The following CAPRIN1 variants were observed in gnomAD, a reference collection of about 807,000 sequenced individuals.
CAPRIN1 encodes cell cycle associated protein 1, also known as caprin-1.
CAPRIN1 carries 29 observed loss-of-function variants against 100.9 expected under a neutral mutation model. The observed-to-expected ratio is 0.29, with a 90% CI of 0.21 to 0.39. CAPRIN1 has a LOEUF of 0.39. Among genes scored for constraint, CAPRIN1 ranks in the 10% least tolerant of loss-of-function variants. CAPRIN1 has a pLI of 1.00. For missense variants in CAPRIN1, 795 were observed against 876.7 expected (o/e 0.91, Z 1.18); for synonymous variants, 338 against 307.5 (o/e 1.10, Z -1.04).
intron 11 of CAPRIN1, among the ~76,000 whole-genome samples, chr11:34,088,238 C>T (rs554637281): frequency 6.6e-6 from 1 of 152,098 alleles, no homozygotes; most frequent in African/African-American, 2.4e-5. Flanking sequence ...CTCTTGACCT[C>T]GTGATCCACC....
chr11:34,085,564 G>A (rs905029819), intron 9 of CAPRIN1, among the ~76,000 whole-genome samples: 2 of 152,212 alleles, frequency 1.3e-5, no homozygotes, highest in African/African-American at 4.8e-5. Flanking sequence ...CAGCACTTGG[G>A]ATGCCAAGGC....
chr11:34,071,590 C>G, intron 2 of CAPRIN1, 136 bp from the exon 3 acceptor site: 1 of 632,378 alleles, frequency 1.6e-6, no homozygotes, highest in Non-Finnish European at 2.7e-6. Context: ...TGTACTTAAA[C>G]TGGAATATAT....
chr11:34,086,988 G>A (rs1851158605), intron 11 of CAPRIN1, among the ~76,000 whole-genome samples: 1 of 152,140 alleles, frequency 6.6e-6, no homozygotes, highest in Admixed American at 6.5e-5. Context: ...AAGGGAATAT[G>A]TAAGAGGCAA....
chr11:34,052,556 A>ACCGGCG lies in CAPRIN1; in HGVS notation c.138_143dup (p.Gly47_Ala48dup). On this transcript the variant is annotated inframe_insertion, in exon 2 of 19. Transcript: ENST00000341394. ...GGCTTCTCAGCACCCCGCAACCGGC[A>ACCGGCG]CCGGCGCTGTCCAGACCGAGGCCAT... is the stretch of plus-strand genomic sequence containing the variant. 1 of 1,609,532 alleles carries ACCGGCG rather than the reference A, an allele frequency of 6.2e-7. No individual in the cohort carries two copies. Among genetic ancestry groups the ACCGGCG allele is most frequent in the South Asian group, 1.1e-5 (1 of 90,698 alleles).
At chr11:34,093,266 T>C (rs1851298826) in intron 15 of CAPRIN1, among the ~76,000 whole-genome samples, 1 of 151,790 alleles carries the variant, frequency 6.6e-6, no homozygotes, top group Non-Finnish European at 1.5e-5. Flanking sequence ...TGTAATCAGA[T>C]ACTGGAGCCT....
rs142562635 is a variant in CAPRIN1, at chr11:34,065,121, G to A, written c.217-6605G>A. On this transcript the variant is annotated intron_variant, in intron 2 of 18. Coordinates refer to ENST00000341394, the MANE Select transcript of CAPRIN1 (RefSeq NM_005898.5). ...ACTACAGGTCCCCGCCACCACGCCC[G>A]ACTAATTTTTTTTTGTATTTTTAGT... Among the ~76,000 whole-genome samples, 319 of 151,702 alleles carry A rather than the reference G, an allele frequency of 2.1e-3. 4 individuals are homozygous for A. The highest frequency in any genetic ancestry group is 7.5e-3 in the African/African-American group (311 of 41,386).
In CAPRIN1 at chr11:34,082,891, T is replaced by G. The variant is rs1404996210; in HGVS notation, c.879+14T>G. 1.2e-6 allele frequency: 2 copies of G among 1,613,794 alleles called. No individual in the cohort carries two copies. Among genetic ancestry groups the G allele is most frequent in the Non-Finnish European group, 1.7e-6 (2 of 1,179,692 alleles). ...GAATCAACAGAGGTATGATTTTAAT[T>G]TAATGCTGCCTTTACTTTGCTGCCT... On this transcript the variant is annotated intron_variant, in intron 8 of 18. Coordinates refer to ENST00000341394, the MANE Select transcript of CAPRIN1 (RefSeq NM_005898.5).
chr11:34,100,688 G>A lies in CAPRIN1; in HGVS notation c.*1321G>A, dbSNP rs931511848. 1.3e-5 allele frequency: 2 copies of A among 152,516 alleles called. No homozygotes were observed. Among genetic ancestry groups the A allele is most frequent in the South Asian group, 2.1e-4 (1 of 4,830 alleles). 9.4% of individuals were successfully genotyped at this position (152,516 alleles called of 1,614,324 possible). On this transcript the variant is annotated 3_prime_UTR_variant, in exon 19 of 19. Coordinates refer to ENST00000341394, the MANE Select transcript of CAPRIN1 (RefSeq NM_005898.5). Reference sequence around the variant, plus strand: ...TTTCTCCTGGAGGCATTTATATTCAGTGATAATTCCTTCCCTTAGATGCAT... The same window carrying A: ...TTTCTCCTGGAGGCATTTATATTCAATGATAATTCCTTCCCTTAGATGCAT...
chr11:34,067,591 G>A (rs1297730986), intron 2 of CAPRIN1, among the ~76,000 whole-genome samples: 2 of 151,832 alleles, frequency 1.3e-5, no homozygotes, highest in Non-Finnish European at 2.9e-5. Flanking sequence ...TTGTGGTCTC[G>A]TGATCATCCT....
In CAPRIN1 at chr11:34,065,868, G is replaced by A. The variant is rs147174656; in HGVS notation, c.217-5858G>A. On this transcript the variant is annotated intron_variant, in intron 2 of 18. Coordinates refer to ENST00000341394, the MANE Select transcript of CAPRIN1 (RefSeq NM_005898.5). Reference sequence around the variant, plus strand: ...CTTTCCTGAAGCTTAGGCAAGGACAGGGGATAGGATATTTATAATAGTAGT... The same window carrying A: ...CTTTCCTGAAGCTTAGGCAAGGACAAGGGATAGGATATTTATAATAGTAGT... 3.6e-3 allele frequency among the ~76,000 whole-genome samples: 550 copies of A among 151,896 alleles called. 4 individuals are homozygous for A. Among genetic ancestry groups the A allele is most frequent in the African/African-American group, 0.012 (517 of 41,552 alleles).
chr11:34,092,189 A>G, intron 15 of CAPRIN1, 133 bp downstream of exon 15: 1 of 794,050 alleles, frequency 1.3e-6, no homozygotes, highest in African/African-American at 1.8e-5. Flanking sequence ...TGAATTTTTC[A>G]TTTCAGATCA....
At position 34,086,185 on chromosome 11, in the gene CAPRIN1, T is replaced by C. The variant is rs750864973; in HGVS notation, c.1088T>C (p.Met363Thr). The change falls in exon 10 of 19, where the codon ATG (methionine) becomes ACG (threonine). Residue 363 changes from methionine to threonine, a missense_variant. Physicochemically the swap from Met to Thr is moderately conservative, Grantham distance 81. Coordinates refer to ENST00000341394, the MANE Select transcript of CAPRIN1 (RefSeq NM_005898.5). ...AGAAGACAGCGAGTACAAGACCTTA[T>C]GGCACAAATGCAGGGTCCCTATAAT... The part of the protein sequence containing the change: ...LVRRQRVQDL[M>T]AQMQGPYNFI... 2.5e-6 allele frequency: 4 copies of C among 1,614,092 alleles called. No homozygotes were observed. Among genetic ancestry groups the C allele is most frequent in the East Asian group, 2.2e-5 (1 of 44,900 alleles).
At chr11:34,079,096 A>T (rs1360081786) in intron 6 of CAPRIN1, among the ~76,000 whole-genome samples, 1 of 152,208 alleles carries the variant, frequency 6.6e-6, no homozygotes, top group Non-Finnish European at 1.5e-5. Context: ...TTTCCACCTA[A>T]CTAGTTTACT....
intron 16 of CAPRIN1, 75 bp from the exon 17 acceptor site, chr11:34,097,121 C>T (rs1387567421): frequency 1.2e-5 from 12 of 984,216 alleles, no homozygotes; most frequent in Admixed American, 5.5e-5. Flanking sequence ...TAGTTCTTCC[C>T]GTCTTCATTA....
chr11:34,097,679 T>C lies in CAPRIN1; in HGVS notation c.2002-19T>C. ...TTTTTAAAAAGTACCTTTTCAATAC[T>C]AACTAGCTTGTCTTTTAGGATGGAT... On this transcript the variant is annotated intron_variant, in intron 17 of 18. Transcript: ENST00000341394. 1 of 1,614,032 alleles carries C rather than the reference T, an allele frequency of 6.2e-7. No individual in the cohort carries two copies. The highest frequency in any genetic ancestry group is 1.3e-5 in the African/African-American group (1 of 75,060).
At chr11:34,072,465 T>C (rs558936866) in intron 4 of CAPRIN1, among the ~76,000 whole-genome samples, 40 of 152,206 alleles carry the variant, frequency 2.6e-4, no homozygotes, top group Non-Finnish European at 5.3e-4. Flanking sequence ...TCATTAGAAA[T>C]ACATAAATGT....
chr11:34,068,509 A>G (rs1047212784), intron 2 of CAPRIN1, among the ~76,000 whole-genome samples: 4 of 152,176 alleles, frequency 2.6e-5, no homozygotes, highest in African/African-American at 7.2e-5. Flanking sequence ...GATGAATTCT[A>G]AATTTGTTAT....
chr11:34,075,407 G>C (rs1001477263), intron 4 of CAPRIN1, among the ~76,000 whole-genome samples: 3 of 152,148 alleles, frequency 2.0e-5, no homozygotes, highest in Admixed American at 6.5e-5. Context: ...CACGGGAGAG[G>C]GAGAGGAATA....
intron 2 of CAPRIN1, among the ~76,000 whole-genome samples, chr11:34,057,363 G>C (rs1326927760): frequency 6.6e-6 from 1 of 152,118 alleles, no homozygotes; most frequent in Non-Finnish European, 1.5e-5. Context: ...AGTGATAATG[G>C]GTACCTTTTT....
Sources: allele counts gnomAD v4.1 joint callset (sites outside exome capture counted in the v4.1 genomes callset), GRCh38; gene constraint gnomAD v4.1.1; transcripts MANE v1.5; gene names NCBI Gene and HGNC (gene_info 2026-07-23, HGNC 2026-07-21).